ZNF610: variants seen among roughly 807,000 people sequenced by gnomAD.
ZNF610 encodes zinc finger protein 610.
A neutral mutation model predicts 14.1 loss-of-function variants in ZNF610; 14 were observed. That is an observed-to-expected ratio of 0.99 (90% CI 0.65 to 1.55). The LOEUF (loss-of-function observed/expected upper bound fraction) is 1.55, where lower values mean the gene tolerates loss of function less well. Among genes scored for constraint, ZNF610 ranks in the 40% most tolerant of loss-of-function variants. ZNF610 has a pLI of 0.00. For synonymous variants in ZNF610, 185 were observed against 187.6 expected (o/e 0.99, Z 0.11); for missense variants, 530 against 558.0 (o/e 0.95, Z 0.51).
intron 1 of ZNF610, chr19:52,345,605 AG>A (rs923143878): frequency 1.2e-4 from 18 of 152,262 alleles, no homozygotes; most frequent in African/African-American, 4.3e-4. Flanking sequence ...TTCACAGTGA[AG>A]GGTTTAGCAG....
At chr19:52,358,762 T>G (rs896402093) in intron 5 of ZNF610, among the ~76,000 whole-genome samples, 4 of 152,232 alleles carry the variant, frequency 2.6e-5, no homozygotes, top group African/African-American at 9.6e-5. Context: ...CCTGATTTTT[T>G]CTAGGAGTTT....
Position 52,353,671 on chromosome 19 carries a change from C to A in ZNF610, c.64-11C>A, listed in dbSNP as rs1985369243. The A allele has an allele frequency of 1.2e-6, 2 of 1,613,080 alleles. No homozygotes were observed. Among genetic ancestry groups the A allele is most frequent in the Non-Finnish European group, 1.7e-6 (2 of 1,179,566 alleles). ...TTTTTAGTGTTGTAAACAATGTGGT[C>A]CTCATTTTAGGGACGCTTGACATTC... On this transcript the variant is annotated splice_polypyrimidine_tract_variant and intron_variant, in intron 3 of 5. Transcript: ENST00000403906.
chr19:52,335,101 C>G (rs950260426), upstream of ZNF610, among the ~76,000 whole-genome samples: 2 of 150,568 alleles, frequency 1.3e-5, no homozygotes, highest in African/African-American at 4.9e-5. Context: ...GTCAGGAGAT[C>G]GAGACCATCC....
At chr19:52,360,715 A>G (rs998126834) in intron 5 of ZNF610, among the ~76,000 whole-genome samples, 5 of 152,144 alleles carry the variant, frequency 3.3e-5, no homozygotes, top group East Asian at 1.9e-4. Context: ...GCAGGGATCA[A>G]TGTTCCTAAG....
chr19:52,362,848 G>A (rs1985846450), intron 5 of ZNF610, among the ~76,000 whole-genome samples: 1 of 152,122 alleles, frequency 6.6e-6, no homozygotes, highest in Non-Finnish European at 1.5e-5. Context: ...ACTGTTCCAT[G>A]GGCACTTCCG....
rs1985369243 is a variant in ZNF610, at chr19:52,353,671, C to T, written c.64-11C>T. The stretch of plus-strand genomic sequence containing the variant: ...TTTTTAGTGTTGTAAACAATGTGGT[C>T]CTCATTTTAGGGACGCTTGACATTC... On this transcript the variant is annotated splice_polypyrimidine_tract_variant and intron_variant, in intron 3 of 5. Transcript: ENST00000403906. 1 of 1,613,080 alleles carries T rather than the reference C, an allele frequency of 6.2e-7. No individual in the cohort carries two copies. The highest frequency in any genetic ancestry group is 1.3e-5 in the African/African-American group (1 of 74,854).
chr19:52,348,436 G>T (rs896726160), intron 2 of ZNF610, among the ~76,000 whole-genome samples: 1 of 151,940 alleles, frequency 6.6e-6, no homozygotes, highest in African/African-American at 2.4e-5. Flanking sequence ...TCTGTCGTTG[G>T]TTGAATCCCT....
At chr19:52,361,548 G>C (rs1485055674) in intron 5 of ZNF610, among the ~76,000 whole-genome samples, 1 of 150,714 alleles carries the variant, frequency 6.6e-6, no homozygotes, top group Non-Finnish European at 1.5e-5. Context: ...ACTTATTTGA[G>C]GCTTACGCTT....
intron 1 of ZNF610, among the ~76,000 whole-genome samples, chr19:52,343,107 T>A (rs1448632700): frequency 6.6e-6 from 1 of 152,094 alleles, no homozygotes; most frequent in Non-Finnish European, 1.5e-5. Flanking sequence ...AAAGAGACCC[T>A]GAACTCCCCA....
At chr19:52,352,412 A>AT (rs1985300136) in intron 3 of ZNF610, among the ~76,000 whole-genome samples, 1 of 151,620 alleles carries the variant, frequency 6.6e-6, no homozygotes, top group African/African-American at 2.4e-5. Flanking sequence ...CTAATTTTGT[A>AT]TTTTTAGTAG....
chr19:52,338,327 A>G (rs1162387101), intron 1 of ZNF610, among the ~76,000 whole-genome samples: 3 of 152,212 alleles, frequency 2.0e-5, no homozygotes, highest in African/African-American at 4.8e-5. Flanking sequence ...GTTACAAACC[A>G]TATTACAAAG....
rs1464552797 is a variant in ZNF610 at position 52,365,767 on chromosome 19, A to C, written c.389A>C (p.Glu130Ala). The C allele has an allele frequency of 1.2e-6, 2 of 1,614,080 alleles. No homozygotes were observed. Among genetic ancestry groups the C allele is most frequent in the Admixed American group, 3.3e-5 (2 of 59,980 alleles). Residue 130 changes from glutamate (E) to alanine (A), a missense_variant, in exon 6 of 6, where the codon GAG becomes GCG. Physicochemically the swap from Glu to Ala is moderately radical, Grantham distance 107. Coordinates refer to ENST00000403906, the MANE Select transcript of ZNF610 (RefSeq NM_001161425.2). ...AAAAATCAACTTGGATTAACCCTTG[A>C]GGCACATCTGTCTGAATTGCAGCTG... ...PIKNQLGLTL[E>A]AHLSELQLFQ...
chr19:52,357,248 A>G (rs172804), intron 5 of ZNF610, among the ~76,000 whole-genome samples: 43,433 of 152,018 alleles, frequency 0.29, 8,018 homozygotes, highest in African/African-American at 0.52. Context: ...CCGGCATGGT[A>G]CCTCATATCT....
chr19:52,342,673 C>T (rs1381714715), intron 1 of ZNF610, among the ~76,000 whole-genome samples: 9 of 151,924 alleles, frequency 5.9e-5, no homozygotes, highest in East Asian at 1.9e-4. Context: ...ACTACAGGTC[C>T]GTACCACCAC....
At chr19:52,351,378 C>G (rs915676052) in intron 3 of ZNF610, among the ~76,000 whole-genome samples, 1 of 152,000 alleles carries the variant, frequency 6.6e-6, no homozygotes, top group Non-Finnish European at 1.5e-5. Context: ...ATCACTTGAA[C>G]CCGGGAGATG....
intron 2 of ZNF610, among the ~76,000 whole-genome samples, chr19:52,348,768 C>T (rs529866182): frequency 6.6e-6 from 1 of 152,200 alleles, no homozygotes; most frequent in South Asian, 2.1e-4. Context: ...CTGTCTCTGG[C>T]GCTGAGCACC....
intron 1 of ZNF610, among the ~76,000 whole-genome samples, chr19:52,343,710 C>G (rs1469450998): frequency 6.6e-6 from 1 of 152,132 alleles, no homozygotes; most frequent in African/African-American, 2.4e-5. Flanking sequence ...CAGGTCATGT[C>G]CATACATTCC....
At chr19:52,355,867 C>T (rs141815356) in intron 5 of ZNF610, among the ~76,000 whole-genome samples, 37 of 152,352 alleles carry the variant, frequency 2.4e-4, no homozygotes, top group Admixed American at 4.6e-4. Flanking sequence ...TGCCGCCCTC[C>T]AGGCGCCTGT....
At chr19:52,344,331 C>A (rs966344620) in intron 1 of ZNF610, among the ~76,000 whole-genome samples, 1 of 151,994 alleles carries the variant, frequency 6.6e-6, no homozygotes, top group African/African-American at 2.4e-5. Context: ...CCCCCCATAG[C>A]CCCCGATTTA....
Sources: gnomAD v4.1 joint callset for allele counts (sites outside exome capture counted in the v4.1 genomes callset) on GRCh38, gnomAD v4.1.1 for gene constraint, MANE v1.5 for transcripts, NCBI Gene and HGNC (gene_info 2026-07-23, HGNC 2026-07-21) for gene names.